KHDRBS2: variants seen among roughly 807,000 people sequenced by gnomAD.
KHDRBS2 encodes KH RNA binding domain containing, signal transduction associated 2.
Under a neutral mutation model 44.3 loss-of-function variants are expected in KHDRBS2, and 26 were observed. That is an observed-to-expected ratio of 0.59 (90% confidence interval 0.43 to 0.81). The LOEUF is 0.81. KHDRBS2 is among the 40% of genes least tolerant of loss of function. The probability of loss-of-function intolerance (pLI) is 0.00; values close to 1 mark genes in which losing one functional copy is unlikely to be tolerated. For synonymous variants in KHDRBS2, 194 were observed against 151.1 expected, an observed-to-expected ratio of 1.28 and a Z score of -2.08; for missense variants, 476 against 433.1, an observed-to-expected ratio of 1.10 and a Z score of -0.88.
chr6:62,028,458 C>T (rs931937884), intron 3 of KHDRBS2, among the ~76,000 whole-genome samples: 4 of 151,854 alleles, frequency 2.6e-5, no homozygotes, highest in Non-Finnish European at 4.4e-5. Flanking sequence ...CTGTGTTGAT[C>T]GTCTGGTTAA....
intron 1 of KHDRBS2, among the ~76,000 whole-genome samples, chr6:62,240,672 G>GTGTGTATATATA (rs1252806819): frequency 1.6e-5 from 1 of 64,164 alleles, no homozygotes; most frequent in African/African-American, 5.3e-5. Context: ...ATGTGTGTGT[G>GTGTGTATATATA]TATATATATA....
intron 4 of KHDRBS2, among the ~76,000 whole-genome samples, chr6:61,931,012 T>C (rs1160214135): frequency 6.6e-6 from 1 of 152,104 alleles, no homozygotes; most frequent in Non-Finnish European, 1.5e-5. Flanking sequence ...TCTGCATATG[T>C]AATAAAATAC....
intron 1 of KHDRBS2, among the ~76,000 whole-genome samples, chr6:62,285,561 T>C (rs943374735): frequency 6.6e-6 from 1 of 152,230 alleles, no homozygotes; most frequent in African/African-American, 2.4e-5. Context: ...AATGTCCCTG[T>C]AGACCGCGTT....
At chr6:61,670,488 C>T in the KHDRBS2 span, among the ~76,000 whole-genome samples, 1 of 151,396 alleles carries the variant, frequency 6.6e-6, no homozygotes, top group African/African-American at 2.4e-5. Flanking sequence ...AAACCCCTAA[C>T]AAGAAAGTTA....
chr6:62,064,870 G>T (rs545076096), intron 2 of KHDRBS2, among the ~76,000 whole-genome samples: 1 of 149,504 alleles, frequency 6.7e-6, no homozygotes, highest in Non-Finnish European at 1.5e-5. Flanking sequence ...GAAAATTTTC[G>T]CAACCTACTC....
the KHDRBS2 span, among the ~76,000 whole-genome samples, chr6:61,673,832 G>T: frequency 2.8e-5 from 4 of 144,100 alleles, no homozygotes; most frequent in African/African-American, 1.0e-4. Context: ...TCAATATCGT[G>T]AAAATGGCCA....
chr6:62,066,718 G>C (rs1207858890), intron 2 of KHDRBS2, among the ~76,000 whole-genome samples: 1 of 151,616 alleles, frequency 6.6e-6, no homozygotes, highest in African/African-American at 2.4e-5. Context: ...GTGACAGGCA[G>C]TTTTCTAGGG....
chr6:62,100,484 C>G (rs535530210), intron 2 of KHDRBS2, among the ~76,000 whole-genome samples: 1 of 152,230 alleles, frequency 6.6e-6, no homozygotes, highest in Admixed American at 6.5e-5. Flanking sequence ...GCATCACATG[C>G]TACAGAGAAA....
At chr6:61,952,884 T>C (rs1765068292) in intron 4 of KHDRBS2, among the ~76,000 whole-genome samples, 1 of 152,060 alleles carries the variant, frequency 6.6e-6, no homozygotes, top group Non-Finnish European at 1.5e-5. Flanking sequence ...ATTATCTCTG[T>C]GTATATTCTA....
At chr6:62,046,136 G>A (rs573374257) in intron 3 of KHDRBS2, among the ~76,000 whole-genome samples, 2 of 151,834 alleles carry the variant, frequency 1.3e-5, no homozygotes, top group Admixed American at 6.6e-5. Context: ...TGAATTGTAA[G>A]TAACAGGTAA....
At chr6:61,603,950 G>A in the KHDRBS2 span, among the ~76,000 whole-genome samples, 18 of 152,064 alleles carry the variant, frequency 1.2e-4, no homozygotes, top group South Asian at 2.1e-4. Flanking sequence ...GTTCCACCAC[G>A]CCTAATCACC....
rs551031665 is a variant in KHDRBS2, at chr6:62,132,578, G to A, written c.219+44607C>T. On this transcript the variant is annotated intron_variant, in intron 2 of 8. Coordinates refer to ENST00000281156, the MANE Select transcript of KHDRBS2 (RefSeq NM_152688.4). ...CAAGCAGCTACCATGGTTGAAGCCT[G>A]CGTATCTGGAACAAAACAAAATATA... Among the ~76,000 whole-genome samples, 108 of 152,230 alleles carry A rather than the reference G, an allele frequency of 7.1e-4. 1 individual carries two copies. The highest frequency in any genetic ancestry group is 2.5e-3 in the African/African-American group (104 of 41,538).
chr6:62,151,033 A>C (rs1020191668), intron 2 of KHDRBS2, among the ~76,000 whole-genome samples: 41 of 152,116 alleles, frequency 2.7e-4, no homozygotes, highest in Non-Finnish European at 5.1e-4. Context: ...TCCCTACCCC[A>C]TACTTCTATC....
At chr6:62,024,296 A>G (rs1415216127) in intron 3 of KHDRBS2, among the ~76,000 whole-genome samples, 1 of 151,522 alleles carries the variant, frequency 6.6e-6, no homozygotes, top group East Asian at 1.9e-4. Flanking sequence ...GATAAAATGA[A>G]TATGATTTAA....
At chr6:61,719,204 A>AAT (rs1771943424) in intron 7 of KHDRBS2, among the ~76,000 whole-genome samples, 1 of 152,172 alleles carries the variant, frequency 6.6e-6, no homozygotes, top group African/African-American at 2.4e-5. Context: ...GAAGATTATA[A>AAT]ATTTTTAACA....
At chr6:61,555,433 A>G in the KHDRBS2 span, among the ~76,000 whole-genome samples, 1 of 152,146 alleles carries the variant, frequency 6.6e-6, no homozygotes, top group Non-Finnish European at 1.5e-5. Context: ...TTTAGAATCC[A>G]TGGATTGGAT....
chr6:62,138,445 G>A (rs1428143761), intron 2 of KHDRBS2, among the ~76,000 whole-genome samples: 2 of 152,178 alleles, frequency 1.3e-5, no homozygotes, highest in Non-Finnish European at 2.9e-5. Flanking sequence ...ATGTGAAATT[G>A]TGTTAAAGCA....
chr6:62,029,935 A>G (rs1562678818), intron 3 of KHDRBS2, among the ~76,000 whole-genome samples: 2 of 152,028 alleles, frequency 1.3e-5, no homozygotes, highest in East Asian at 3.9e-4. Flanking sequence ...CTAAGTGAGA[A>G]AAAAACAGAT....
intron 4 of KHDRBS2, among the ~76,000 whole-genome samples, chr6:61,925,365 G>T (rs1808762034): frequency 6.6e-6 from 1 of 152,084 alleles, no homozygotes; most frequent in Admixed American, 6.6e-5. Flanking sequence ...TAAATAACTA[G>T]TCCACTGGAT....
Sources: gnomAD v4.1 joint callset for allele counts (sites outside exome capture counted in the v4.1 genomes callset) on GRCh38, gnomAD v4.1.1 for gene constraint, MANE v1.5 for transcripts, NCBI Gene and HGNC (gene_info 2026-07-23, HGNC 2026-07-21) for gene names.